The following CNTNAP5 variants were observed in gnomAD, a reference collection of about 807,000 sequenced individuals.
CNTNAP5 encodes the protein contactin associated protein family member 5, also known as contactin-associated protein-like 5.
In CNTNAP5, 72 loss-of-function variants were observed where a neutral mutation model predicts 150.2. The observed-to-expected ratio is 0.48, with a 90% CI of 0.40 to 0.58. The LOEUF (loss-of-function observed/expected upper bound fraction) is 0.58, where lower values mean the gene tolerates loss of function less well. Among genes scored for constraint, CNTNAP5 ranks in the 20% least tolerant of loss-of-function variants. The probability of loss-of-function intolerance (pLI) is 0.00; values close to 1 mark genes in which losing one functional copy is unlikely to be tolerated. For synonymous variants in CNTNAP5, 672 were observed against 619.8 expected, an observed-to-expected ratio of 1.08 and a Z score of -1.25; for missense variants, 1,636 against 1,626.2, an observed-to-expected ratio of 1.01 and a Z score of -0.10.
chr2:124,725,471 CCTTCCT>C (rs1558751729), intron 13 of CNTNAP5, among the ~76,000 whole-genome samples: 1 of 150,418 alleles, frequency 6.6e-6, no homozygotes, highest in African/African-American at 2.4e-5. Flanking sequence ...TTCCCCTTCC[CCTTCCT>C]CCTTCCCCCT....
intron 1 of CNTNAP5, among the ~76,000 whole-genome samples, chr2:124,176,018 C>T (rs575245850): frequency 3.9e-5 from 6 of 152,152 alleles, no homozygotes; most frequent in African/African-American, 9.7e-5. Flanking sequence ...AATGTGGAAA[C>T]GAACACACTA....
chr2:124,914,914 G>A lies in CNTNAP5; in HGVS notation c.*626G>A, dbSNP rs889750250. On this transcript the variant is annotated 3_prime_UTR_variant, in exon 24 of 24. Transcript: ENST00000682447. ...CAAATATATGATTGCTGATAGTAGT[G>A]ACCAAAACTACTTTGTTCCTTTCTT... 1 of 151,890 alleles carries A rather than the reference G, an allele frequency of 6.6e-6. No individual in the cohort carries two copies. Among genetic ancestry groups the A allele is most frequent in the African/African-American group, 2.4e-5 (1 of 41,328 alleles). 9.4% of individuals were successfully genotyped at this position (151,890 alleles called of 1,614,324 possible). A position where few individuals can be genotyped will look rare whatever the true frequency, so the allele number is the denominator to read the frequency against.
chr2:124,224,199 C>T (rs1347840436), intron 2 of CNTNAP5, among the ~76,000 whole-genome samples: 1 of 152,040 alleles, frequency 6.6e-6, no homozygotes, highest in Non-Finnish European at 1.5e-5. Context: ...TTGCAAATTG[C>T]TACATTGGAG....
intron 6 of CNTNAP5, among the ~76,000 whole-genome samples, chr2:124,457,143 A>G (rs1693139567): frequency 6.6e-6 from 1 of 152,256 alleles, no homozygotes; most frequent in Non-Finnish European, 1.5e-5. Context: ...ACAAAGTGGG[A>G]GAAAATGTTC....
intron 1 of CNTNAP5, among the ~76,000 whole-genome samples, chr2:124,197,796 G>A (rs6541940): frequency 0.97 from 147,766 of 151,872 alleles, 72,001 homozygotes; most frequent in East Asian, 1. Flanking sequence ...CCTGGCTAAC[G>A]TGGTGAAACC....
chr2:124,690,661 G>A (rs1166875812), intron 13 of CNTNAP5, among the ~76,000 whole-genome samples: 1 of 151,894 alleles, frequency 6.6e-6, no homozygotes, highest in Non-Finnish European at 1.5e-5. Context: ...AACCATCCAA[G>A]CTCTTTCTAG....
intron 13 of CNTNAP5, among the ~76,000 whole-genome samples, chr2:124,717,262 G>T (rs1034417129): frequency 6.6e-6 from 1 of 152,184 alleles, no homozygotes; most frequent in Admixed American, 6.5e-5. Flanking sequence ...CAGAGGCTGC[G>T]TGCTGCCAGA....
At position 124,535,148 on chromosome 2, in the gene CNTNAP5, G is replaced by A. The variant is rs115795391; in HGVS notation, c.1649+7692G>A. 4.3e-3 allele frequency among the ~76,000 whole-genome samples: 661 copies of A among 152,152 alleles called. 7 individuals are homozygous for A. The highest frequency in any genetic ancestry group is 0.015 in the African/African-American group (637 of 41,522). ...TTCATATGGCCTTCTGGTGACCACC[G>A]GGCCCATTCCTTCATCATTTCCTCA... is the stretch of plus-strand genomic sequence containing the variant. On this transcript the variant is annotated intron_variant, in intron 10 of 23. Transcript: ENST00000682447.
intron 3 of CNTNAP5, among the ~76,000 whole-genome samples, chr2:124,258,979 G>A (rs901543651): frequency 6.6e-6 from 1 of 151,562 alleles, no homozygotes; most frequent in Non-Finnish European, 1.5e-5. Context: ...TTAACATTAG[G>A]TGTATCTCCC....
intron 1 of CNTNAP5, among the ~76,000 whole-genome samples, chr2:124,056,964 AGTT>A (rs1479236042): frequency 6.6e-6 from 1 of 152,066 alleles, no homozygotes; most frequent in African/African-American, 2.4e-5. Context: ...TCCAAAATTC[AGTT>A]GTTGTTTGTT....
At chr2:124,567,874 T>TAG (rs1491029031) in intron 11 of CNTNAP5, among the ~76,000 whole-genome samples, 2 of 149,348 alleles carry the variant, frequency 1.3e-5, no homozygotes, top group East Asian at 4.1e-4. Flanking sequence ...GATAGATAGA[T>TAG]AGATAGATAT....
At chr2:124,846,256 A>G (rs1353534576) in intron 19 of CNTNAP5, among the ~76,000 whole-genome samples, 9 of 151,994 alleles carry the variant, frequency 5.9e-5, no homozygotes, top group Admixed American at 5.9e-4. Context: ...TCTTGATTTC[A>G]TTGGTGGCTT....
At chr2:124,187,123 T>C (rs1448871875) in intron 1 of CNTNAP5, among the ~76,000 whole-genome samples, 1 of 152,134 alleles carries the variant, frequency 6.6e-6, no homozygotes, top group Non-Finnish European at 1.5e-5. Context: ...TCCACAGTTC[T>C]TCAAATGCAA....
At chr2:124,717,527 C>G (rs1157332220) in intron 13 of CNTNAP5, among the ~76,000 whole-genome samples, 1 of 152,186 alleles carries the variant, frequency 6.6e-6, no homozygotes, top group African/African-American at 2.4e-5. Context: ...GGTGTGCCTA[C>G]AAGTCATTTG....
intron 13 of CNTNAP5, among the ~76,000 whole-genome samples, chr2:124,672,411 A>C (rs1291643598): frequency 6.6e-6 from 1 of 152,168 alleles, no homozygotes; most frequent in Non-Finnish European, 1.5e-5. Context: ...AATTTTTGTA[A>C]AATTTTTTAC....
chr2:124,234,568 G>C (rs1392372134), intron 2 of CNTNAP5, among the ~76,000 whole-genome samples: 3 of 151,882 alleles, frequency 2.0e-5, no homozygotes, highest in Non-Finnish European at 4.4e-5. Context: ...AAAATGCCTG[G>C]GTGTTTTTAT....
intron 1 of CNTNAP5, among the ~76,000 whole-genome samples, chr2:124,158,529 G>T (rs892469460): frequency 6.6e-6 from 1 of 152,058 alleles, no homozygotes; most frequent in South Asian, 2.1e-4. Flanking sequence ...GAAATTTGTG[G>T]ATTTTTTCCC....
intron 3 of CNTNAP5, among the ~76,000 whole-genome samples, chr2:124,377,979 G>A (rs752572450): frequency 1.2e-4 from 18 of 152,020 alleles, no homozygotes; most frequent in Non-Finnish European, 2.1e-4. Flanking sequence ...TGCTACTTGT[G>A]TTTCTAGGAG....
At chr2:124,199,890 T>G (rs920989634) in intron 1 of CNTNAP5, among the ~76,000 whole-genome samples, 1 of 152,238 alleles carries the variant, frequency 6.6e-6, no homozygotes, top group African/African-American at 2.4e-5. Context: ...TTTAGGGTTT[T>G]CTAAATATAC....
Sources: gnomAD v4.1 joint callset for allele counts (sites outside exome capture counted in the v4.1 genomes callset) on GRCh38, gnomAD v4.1.1 for gene constraint, MANE v1.5 for transcripts, NCBI Gene and HGNC (gene_info 2026-07-23, HGNC 2026-07-21) for gene names.